The following AGAP1 variants were observed in gnomAD, a reference collection of about 807,000 sequenced individuals.
The protein encoded by AGAP1 is ArfGAP with GTPase domain, ankyrin repeat and PH domain 1.
In AGAP1, 29 loss-of-function variants were observed where a neutral mutation model predicts 105.3. The observed-to-expected ratio is 0.28, with a 90% CI of 0.21 to 0.38. The LOEUF (loss-of-function observed/expected upper bound fraction) is 0.38, where lower values mean the gene tolerates loss of function less well. AGAP1 is among the 10% of genes least tolerant of loss of function. The probability of loss-of-function intolerance (pLI) is 1.00; values close to 1 mark genes in which losing one functional copy is unlikely to be tolerated. For missense variants in AGAP1, 998 were observed against 1,165.1 expected (o/e 0.86, Z 2.09); for synonymous variants, 509 against 485.9 (o/e 1.05, Z -0.63).
At chr2:235,925,341 C>T (rs1009645692) in intron 11 of AGAP1, among the ~76,000 whole-genome samples, 6 of 152,238 alleles carry the variant, frequency 3.9e-5, no homozygotes, top group South Asian at 2.1e-4. Flanking sequence ...CACATCTAAA[C>T]GACCCCAGCT....
chr2:236,031,780 A>G (rs1328846034), intron 13 of AGAP1, among the ~76,000 whole-genome samples: 3 of 152,014 alleles, frequency 2.0e-5, no homozygotes, highest in African/African-American at 2.4e-5. Context: ...TCCCTCTTCC[A>G]TCAGACAGAA....
At position 236,020,624 on chromosome 2, in the gene AGAP1, C is replaced by T. The variant is rs1269297535; in HGVS notation, c.1646-15937C>T. 5.3e-5 allele frequency among the ~76,000 whole-genome samples: 8 copies of T among 152,266 alleles called. No homozygotes were observed. Among genetic ancestry groups the T allele is most frequent in the East Asian group, 3.9e-4 (2 of 5,184 alleles). The stretch of plus-strand genomic sequence containing the variant: ...CTCGCATGCAGACAATAAAACCTAC[C>T]TTGAAGGGTAATTGAAGAAGAAATG... On this transcript the variant is annotated intron_variant, in intron 13 of 17. Transcript: ENST00000304032. This position sits in a 1 kb window ranked among gnomAD's most constrained non-coding sequence, Gnocchi z 5.0.
rs2051285569 is a variant in AGAP1 at position 235,905,976 on chromosome 2, A to G, written c.1156-2762A>G. 6.6e-6 allele frequency among the ~76,000 whole-genome samples: 1 copy of G among 152,194 alleles called. No individual in the cohort carries two copies. Among genetic ancestry groups the G allele is most frequent in the South Asian group, 2.1e-4 (1 of 4,828 alleles). On this transcript the variant is annotated intron_variant, in intron 10 of 17. Coordinates refer to ENST00000304032, the MANE Select transcript of AGAP1 (RefSeq NM_001037131.3). The surrounding 1 kb of genome is among the most constrained non-coding windows in gnomAD (Gnocchi z 4.2). ...TATGTTTTGTGGAGTCCAGCATCTC[A>G]ACTTCCAAGTGGAATCCCTTTCGGG...
rs1239227997 is a variant in AGAP1, at chr2:235,904,576, A to C, written c.1156-4162A>C. Among the ~76,000 whole-genome samples, 3 of 152,152 alleles carry C rather than the reference A, an allele frequency of 2.0e-5. No individual in the cohort carries two copies. Among genetic ancestry groups the C allele is most frequent in the African/African-American group, 4.8e-5 (2 of 41,438 alleles). On this transcript the variant is annotated intron_variant, in intron 10 of 17. Coordinates refer to ENST00000304032, the MANE Select transcript of AGAP1 (RefSeq NM_001037131.3). This position sits in a 1 kb window ranked among gnomAD's most constrained non-coding sequence, Gnocchi z 4.2. ...TTTATCTTCGATCAGCATTTTCAAC[A>C]AGGAACATGGAGAAGGGTAGTATCT...
chr2:236,026,798 C>G (rs1262370799), intron 13 of AGAP1, among the ~76,000 whole-genome samples: 1 of 152,126 alleles, frequency 6.6e-6, no homozygotes, highest in Non-Finnish European at 1.5e-5. Context: ...AAGCTAGTTT[C>G]AAAAGGCCCA....
intron 1 of AGAP1, among the ~76,000 whole-genome samples, chr2:235,532,542 A>G (rs1002980465): frequency 1.3e-5 from 2 of 152,162 alleles, no homozygotes; most frequent in Non-Finnish European, 2.9e-5. Flanking sequence ...TATGTATCAC[A>G]TATGCAGTGG....
At chr2:235,628,689 G>A (rs1468935564) in intron 1 of AGAP1, among the ~76,000 whole-genome samples, 4 of 152,022 alleles carry the variant, frequency 2.6e-5, no homozygotes, top group African/African-American at 4.8e-5. Flanking sequence ...GTTCTTTAGT[G>A]ATGACTTGTA....
At chr2:235,915,733 G>T (rs1047733585) in intron 11 of AGAP1, among the ~76,000 whole-genome samples, 1 of 152,126 alleles carries the variant, frequency 6.6e-6, no homozygotes, top group African/African-American at 2.4e-5. Flanking sequence ...TAAAGATTGT[G>T]AAAATAAAAA....
chr2:235,800,942 G>A (rs536015968), intron 8 of AGAP1, among the ~76,000 whole-genome samples: 2 of 152,328 alleles, frequency 1.3e-5, no homozygotes, highest in African/African-American at 4.8e-5. Context: ...GTGGCTGGGA[G>A]TCAGATTTGC....
rs144875808 is a variant in AGAP1 at position 235,912,367 on chromosome 2, G to A, written c.1324+3461G>A. Among the ~76,000 whole-genome samples the A allele has an allele frequency of 3.3e-5, 5 of 152,224 alleles. No homozygotes were observed. In the East Asian group the frequency reaches 5.8e-4, roughly 18 times the overall value. On this transcript the variant is annotated intron_variant, in intron 11 of 17. Transcript: ENST00000304032. ...TAAATTGAGGCTACATTTAAGAGAC[G>A]GGACTTCCAGCTAAAAATAGGTATT...
chr2:235,638,346 A>G (rs2149301249), intron 1 of AGAP1, among the ~76,000 whole-genome samples: 1 of 152,296 alleles, frequency 6.6e-6, no homozygotes, highest in South Asian at 2.1e-4. Flanking sequence ...GGGAGCCTGG[A>G]GACTCCAGGC....
chr2:235,718,599 TC>T (rs1422953530), intron 3 of AGAP1, among the ~76,000 whole-genome samples: 1 of 152,220 alleles, frequency 6.6e-6, no homozygotes, highest in Non-Finnish European at 1.5e-5. Flanking sequence ...CTTCACCTGT[TC>T]CCTGTAACAC....
chr2:235,590,716 T>TGTGTGCGC (rs1491557940), intron 1 of AGAP1, among the ~76,000 whole-genome samples: 2 of 32,776 alleles, frequency 6.1e-5, no homozygotes, highest in African/African-American at 4.5e-4. Context: ...TGTGTGTGCA[T>TGTGTGCGC]TTTTTTTTTT....
At position 236,051,209 on chromosome 2, in the gene AGAP1, C is replaced by T. The variant is rs1351330663; in HGVS notation, c.2114+1928C>T. On this transcript the variant is annotated intron_variant, in intron 16 of 17. Transcript: ENST00000304032. The surrounding 1 kb of genome is among the most constrained non-coding windows in gnomAD (Gnocchi z 5.9). ...GTGGAATTTCTAAGTTCCCTTTGCA[C>T]CTAAGAAGATAAACACATACGAGAA... 6.6e-6 allele frequency among the ~76,000 whole-genome samples: 1 copy of T among 152,188 alleles called. No individual in the cohort carries two copies. Among genetic ancestry groups the T allele is most frequent in the Non-Finnish European group, 1.5e-5 (1 of 68,034 alleles).
intron 1 of AGAP1, among the ~76,000 whole-genome samples, chr2:235,707,770 G>A (rs1950625887): frequency 6.6e-6 from 1 of 151,168 alleles, no homozygotes; most frequent in Non-Finnish European, 1.5e-5. Flanking sequence ...TGACATGGTG[G>A]GATGTGCTCC....
rs1166523228 is a variant in AGAP1, at chr2:235,604,572, C to CTTTTTTT, written c.164-104585_164-104579dup. Among the ~76,000 whole-genome samples, 53 of 69,680 alleles carry CTTTTTTT rather than the reference C, an allele frequency of 7.6e-4. 2 individuals are homozygous for CTTTTTTT. The highest frequency in any genetic ancestry group is 0.015 in the Middle Eastern group (1 of 68). 45.7% of individuals were successfully genotyped at this position (69,680 alleles called of 152,430 possible). A position where few individuals can be genotyped will look rare whatever the true frequency, so the allele number is the denominator to read the frequency against. On this transcript the variant is annotated intron_variant, in intron 1 of 17. Transcript: ENST00000304032. ...CGTGTTTCTTTTTTATTTTTATTAT[C>CTTTTTTT]TTTTTTTTTTTTTTTTTTTTTTTTT...
intron 11 of AGAP1, among the ~76,000 whole-genome samples, chr2:235,920,845 T>C (rs1005304118): frequency 6.6e-6 from 1 of 152,248 alleles, no homozygotes; most frequent in Admixed American, 6.5e-5. Flanking sequence ...ATGAGATTAA[T>C]AACTGATATC....
chr2:235,584,869 A>G (rs888343240), intron 1 of AGAP1, among the ~76,000 whole-genome samples: 5 of 120,826 alleles, frequency 4.1e-5, no homozygotes, highest in African/African-American at 1.6e-4. Flanking sequence ...GCCATTGGCT[A>G]TTGTGTATCG....
chr2:235,700,676 T>G lies in AGAP1; in HGVS notation c.164-8503T>G, dbSNP rs980808333. 6.6e-6 allele frequency among the ~76,000 whole-genome samples: 1 copy of G among 151,996 alleles called. No homozygotes were observed. Among genetic ancestry groups the G allele is most frequent in the African/African-American group, 2.4e-5 (1 of 41,376 alleles). ...TTAGCCAGGCATGGTAGCGCGTGCC[T>G]GTAGTCCCAGCTACTCAAGAGACTG... On this transcript the variant is annotated intron_variant, in intron 1 of 17. Transcript: ENST00000304032. This position sits in a 1 kb window ranked among gnomAD's most constrained non-coding sequence, Gnocchi z 6.1.
Sources: gnomAD v4.1 joint callset for allele counts (sites outside exome capture counted in the v4.1 genomes callset) on GRCh38, gnomAD v4.1.1 for gene constraint, Gnocchi (gnomAD v3.1) non-coding constraint, MANE v1.5 for transcripts, NCBI Gene and HGNC (gene_info 2026-07-23, HGNC 2026-07-21) for gene names.